KAT6B: variants seen among roughly 807,000 people sequenced by gnomAD.
The protein encoded by KAT6B is histone acetyltransferase KAT6B.
KAT6B carries 10 observed loss-of-function variants against 187.5 expected under a neutral mutation model. The ratio of observed to expected loss-of-function variants is 0.05; its 90% CI spans 0.03 to 0.09. The LOEUF is 0.09. KAT6B is among the 10% of genes least tolerant of loss of function. The pLI, the probability that KAT6B is intolerant of heterozygous loss-of-function variation, is 1.00. For synonymous variants in KAT6B, 861 were observed against 926.8 expected (o/e 0.93, Z 1.29); for missense variants, 1,952 against 2,558.9 (o/e 0.76, Z 5.12).
chr10:74,991,816 A>G (rs1418156307), intron 13 of KAT6B, among the ~76,000 whole-genome samples: 1 of 152,264 alleles, frequency 6.6e-6, no homozygotes, highest in Non-Finnish European at 1.5e-5. Context: ...AATTCAGTTT[A>G]AAACCAAAAG....
chr10:74,831,577 C>CT (rs1840864914), intron 1 of KAT6B, among the ~76,000 whole-genome samples: 1 of 152,216 alleles, frequency 6.6e-6, no homozygotes, highest in South Asian at 2.1e-4. Context: ...GCAGCTATAA[C>CT]TAAGAGCCAG....
intron 3 of KAT6B, among the ~76,000 whole-genome samples, chr10:74,857,134 A>G (rs771324560): frequency 2.6e-5 from 4 of 152,222 alleles, no homozygotes; most frequent in Non-Finnish European, 5.9e-5. Flanking sequence ...CCTTTCACCC[A>G]GTGTGTATTA....
intron 7 of KAT6B, among the ~76,000 whole-genome samples, chr10:74,974,797 G>A (rs1842053808): frequency 6.6e-6 from 1 of 151,864 alleles, no homozygotes; most frequent in African/African-American, 2.4e-5. Flanking sequence ...GTAGTTAATT[G>A]TCTTCTCTCC....
At chr10:74,920,930 A>G (rs1848064573) in intron 3 of KAT6B, among the ~76,000 whole-genome samples, 1 of 152,106 alleles carries the variant, frequency 6.6e-6, no homozygotes, top group Admixed American at 6.6e-5. Flanking sequence ...TTTTCTTCAT[A>G]TTAATTTGTG....
In KAT6B at chr10:74,969,184, G is replaced by T. The variant is rs117914379; in HGVS notation, c.731-476G>T. Among the ~76,000 whole-genome samples the T allele has an allele frequency of 4.8e-4, 73 of 152,322 alleles. No homozygotes were observed. In the East Asian group the frequency reaches 0.012, roughly 25 times the overall value. On this transcript the variant is annotated intron_variant, in intron 4 of 17. Coordinates refer to ENST00000287239, the MANE Select transcript of KAT6B (RefSeq NM_012330.4). ...TGGATTTGGGTGGGGGAGGGCATCT[G>T]TAGTTATGTTAAGCAGCCTCAATTT...
At chr10:74,846,493 C>T (rs1434826325) in intron 3 of KAT6B, among the ~76,000 whole-genome samples, 1 of 151,970 alleles carries the variant, frequency 6.6e-6, no homozygotes, top group Non-Finnish European at 1.5e-5. Context: ...GGCTGGAGTA[C>T]AGTGGCATGA....
chr10:74,829,487 C>G (rs953641052), intron 1 of KAT6B, among the ~76,000 whole-genome samples: 8 of 149,576 alleles, frequency 5.3e-5, no homozygotes, highest in Non-Finnish European at 1.2e-4. Flanking sequence ...CAGTCTTGCT[C>G]TGTTGCCCAG....
At chr10:74,954,334 A>C (rs1840524429) in intron 3 of KAT6B, among the ~76,000 whole-genome samples, 1 of 152,232 alleles carries the variant, frequency 6.6e-6, no homozygotes, top group Non-Finnish European at 1.5e-5. Flanking sequence ...AATATGGGAA[A>C]TTATTGTTTA....
chr10:74,895,960 G>GTT (rs911440222), intron 3 of KAT6B, among the ~76,000 whole-genome samples: 30 of 150,506 alleles, frequency 2.0e-4, no homozygotes, highest in African/African-American at 7.3e-4. Flanking sequence ...TGTTGTTGTT[G>GTT]TTTTTTTTTG....
chr10:74,934,871 A>G (rs576461586), intron 3 of KAT6B, among the ~76,000 whole-genome samples: 3 of 152,216 alleles, frequency 2.0e-5, no homozygotes, highest in East Asian at 1.9e-4. Flanking sequence ...ATCCACCCCA[A>G]TTATACTCAC....
chr10:75,024,635 A>G (rs1845677826), intron 16 of KAT6B, among the ~76,000 whole-genome samples: 3 of 152,244 alleles, frequency 2.0e-5, no homozygotes, highest in South Asian at 4.1e-4. Flanking sequence ...TGTGAGGAAT[A>G]TTGAAGCCAG....
At chr10:74,932,121 A>G (rs184151829) in intron 3 of KAT6B, among the ~76,000 whole-genome samples, 24 of 152,310 alleles carry the variant, frequency 1.6e-4, no homozygotes, top group African/African-American at 5.5e-4. Context: ...GGCATAATGG[A>G]TAGAGAGTCT....
At chr10:75,022,703 G>T (rs11001249) in intron 16 of KAT6B, among the ~76,000 whole-genome samples, 1,634 of 152,300 alleles carry the variant, frequency 0.011, 14 homozygotes, top group Non-Finnish European at 0.018. Flanking sequence ...GGCCAAGGTG[G>T]GCAGATCACC....
intron 6 of KAT6B, 49 bp downstream of exon 6, chr10:74,970,150 G>T: frequency 7.0e-7 from 1 of 1,430,442 alleles, no homozygotes; most frequent in Non-Finnish European, 9.8e-7. Context: ...ATATTGGTTA[G>T]CTTTGTCCTG....
Position 75,030,245 on chromosome 10 carries a change from T to C in KAT6B, c.5421T>C (p.His1807=). The C allele has an allele frequency of 6.2e-7, 1 of 1,614,204 alleles. No homozygotes were observed. The highest frequency in any genetic ancestry group is 8.5e-7 in the Non-Finnish European group (1 of 1,180,030). The change falls in exon 18 of 18, where the codon CAT becomes CAC. Residue 1807 remains histidine, a synonymous_variant. Transcript: ENST00000287239. This position sits in a 1 kb window ranked among gnomAD's most constrained non-coding sequence, Gnocchi z 4.8. ...RMGQSDFGAG[H]YPQPSATFSL... is the part of the protein sequence containing the mutation. Reference sequence around the variant, plus strand: ...GTCAGAGTGATTTTGGGGCTGGGCATTACCCGCAGCCGTCAGCCACCTTCA... The same window carrying C: ...GTCAGAGTGATTTTGGGGCTGGGCACTACCCGCAGCCGTCAGCCACCTTCA...
chr10:75,024,073 G>A (rs1423419122), intron 16 of KAT6B: 1 of 151,856 alleles, frequency 6.6e-6, no homozygotes, highest in Non-Finnish European at 1.5e-5. Flanking sequence ...TACAATTATG[G>A]ACAGTCATTT....
chr10:74,940,904 A>G (rs932757427), intron 3 of KAT6B, among the ~76,000 whole-genome samples: 1 of 152,312 alleles, frequency 6.6e-6, no homozygotes, highest in Admixed American at 6.5e-5. Context: ...CAGTGTTCTG[A>G]TGATTCAGAG....
chr10:74,962,678 T>C (rs998649648), intron 4 of KAT6B, among the ~76,000 whole-genome samples: 3 of 152,218 alleles, frequency 2.0e-5, no homozygotes, highest in African/African-American at 7.2e-5. Context: ...CGTCCCTATC[T>C]GAAGTACCAT....
At chr10:74,902,393 AGATTAG>A (rs1354736594) in intron 3 of KAT6B, among the ~76,000 whole-genome samples, 2 of 152,200 alleles carry the variant, frequency 1.3e-5, no homozygotes, top group African/African-American at 4.8e-5. Context: ...CTTGAAGGAA[AGATTAG>A]TTGGGGCAAA....
Sources: gnomAD v4.1 joint callset for allele counts (sites outside exome capture counted in the v4.1 genomes callset) on GRCh38, gnomAD v4.1.1 for gene constraint, Gnocchi (gnomAD v3.1) non-coding constraint, MANE v1.5 for transcripts, NCBI Gene and HGNC (gene_info 2026-07-23, HGNC 2026-07-21) for gene names.